The following SEL1L2 variants were observed in gnomAD, a reference collection of about 807,000 sequenced individuals.
The protein encoded by SEL1L2 is SEL1L2 adaptor subunit of SYVN1 ubiquitin ligase.
SEL1L2 carries 89 observed loss-of-function variants against 98.8 expected under a neutral mutation model. The ratio of observed to expected loss-of-function variants is 0.90; its 90% CI spans 0.76 to 1.07. The LOEUF (loss-of-function observed/expected upper bound fraction) is 1.07. Among genes scored for constraint, SEL1L2 ranks in the 50% least tolerant of loss-of-function variants. The pLI, the probability that SEL1L2 is intolerant of heterozygous loss-of-function variation, is 0.00. For missense variants in SEL1L2, 788 were observed against 812.0 expected (o/e 0.97, Z 0.36); for synonymous variants, 262 against 278.5 (o/e 0.94, Z 0.59).
intron 1 of SEL1L2, among the ~76,000 whole-genome samples, chr20:13,974,370 T>A (rs2051426431): frequency 6.6e-6 from 1 of 152,076 alleles, no homozygotes; most frequent in Admixed American, 6.6e-5. Context: ...AGTCTTGCCC[T>A]TTCCTCTGTA....
chr20:13,886,138 A>G (rs2046943182), intron 9 of SEL1L2, 150 bp downstream of exon 9: 1 of 457,510 alleles, frequency 2.2e-6, no homozygotes, highest in African/African-American at 2.0e-5. Flanking sequence ...AGTAGCAGGG[A>G]ACAAAACAGG....
Position 13,972,473 on chromosome 20 carries a change from A to G in SEL1L2, c.59-16342T>C, listed in dbSNP as rs548412161. 9.2e-4 allele frequency among the ~76,000 whole-genome samples: 140 copies of G among 152,138 alleles called. 2 individuals are homozygous for G. Among genetic ancestry groups the G allele is most frequent in the South Asian group, 6.2e-3 (30 of 4,826 alleles). On this transcript the variant is annotated intron_variant, in intron 1 of 19. Coordinates refer to ENST00000284951, the MANE Select transcript of SEL1L2 (RefSeq NM_025229.2). ...AAATAAGCCTTTATTTAGATTTATC[A>G]TAAGTCTTAAAGGTTACTTGGCTTA...
chr20:13,930,442 G>T (rs182928389), intron 3 of SEL1L2, among the ~76,000 whole-genome samples: 2 of 152,230 alleles, frequency 1.3e-5, no homozygotes, highest in Admixed American at 1.3e-4. Flanking sequence ...GGAACTTTGT[G>T]GTTTCCCTAT....
At chr20:13,914,198 C>T (rs1304871987) in intron 4 of SEL1L2, among the ~76,000 whole-genome samples, 1 of 152,112 alleles carries the variant, frequency 6.6e-6, no homozygotes, top group African/African-American at 2.4e-5. Flanking sequence ...ATCTTATACA[C>T]TGATACAGAA....
At chr20:13,870,291 G>T in intron 12 of SEL1L2, 88 bp from the exon 13 acceptor site, 1 of 930,534 alleles carries the variant, frequency 1.1e-6, no homozygotes, top group Non-Finnish European at 1.7e-6. Flanking sequence ...TATTTGACAT[G>T]CACCCAGTAA....
chr20:13,862,987 G>C (rs4814269), intron 17 of SEL1L2, among the ~76,000 whole-genome samples: 49,521 of 151,964 alleles, frequency 0.33, 8,391 homozygotes, highest in Middle Eastern at 0.53. Context: ...ATGAACCACT[G>C]CACCTGGTCT....
At chr20:13,869,611 A>G (rs1227914682) in intron 13 of SEL1L2, 21 bp from the exon 14 acceptor site, 4 of 1,593,474 alleles carry the variant, frequency 2.5e-6, no homozygotes, top group African/African-American at 1.3e-5. Context: ...ATTACACTCT[A>G]TTACTCAAAG....
intron 5 of SEL1L2, among the ~76,000 whole-genome samples, chr20:13,901,071 C>CTTTTTTTTTTTTTTT (rs746353560): frequency 1.5e-5 from 2 of 133,302 alleles, no homozygotes; most frequent in African/African-American, 2.8e-5. Flanking sequence ...TTCTTTCTTT[C>CTTTTTTTTTTTTTTT]TTTCTTTTTT....
At chr20:13,872,489 C>T (rs1192010918) in intron 12 of SEL1L2, among the ~76,000 whole-genome samples, 2 of 152,154 alleles carry the variant, frequency 1.3e-5, no homozygotes, top group Non-Finnish European at 2.9e-5. Flanking sequence ...CATGATTGTA[C>T]ATTTTCTGAG....
At chr20:13,990,430 A>G (rs1480602499) in intron 1 of SEL1L2, 47 bp downstream of exon 1, 1 of 1,367,232 alleles carries the variant, frequency 7.3e-7, no homozygotes, top group African/African-American at 1.4e-5. Context: ...CTGTTTGAGC[A>G]AAGAGAAGAG....
At chr20:13,956,044 T>C in intron 2 of SEL1L2, 32 bp downstream of exon 2, 1 of 1,314,740 alleles carries the variant, frequency 7.6e-7, no homozygotes, top group East Asian at 2.4e-5. Context: ...AATTTTCTAT[T>C]AAAAAATGTA....
intron 18 of SEL1L2, among the ~76,000 whole-genome samples, chr20:13,858,773 T>C (rs1252344970): frequency 2.0e-5 from 3 of 151,790 alleles, no homozygotes; most frequent in Non-Finnish European, 4.4e-5. Flanking sequence ...TCACTCTCTT[T>C]GGCCTTTCTA....
At chr20:13,872,975 T>A (rs888093621) in intron 12 of SEL1L2, among the ~76,000 whole-genome samples, 3 of 151,856 alleles carry the variant, frequency 2.0e-5, no homozygotes, top group Non-Finnish European at 4.4e-5. Context: ...TTCATCAGCG[T>A]TTGCCATTTT....
chr20:13,878,465 C>T (rs1244305257), intron 10 of SEL1L2, among the ~76,000 whole-genome samples: 3 of 152,146 alleles, frequency 2.0e-5, no homozygotes, highest in African/African-American at 7.2e-5. Flanking sequence ...ACCCACAATG[C>T]CTGGCTATGA....
intron 1 of SEL1L2, among the ~76,000 whole-genome samples, chr20:13,971,543 A>G (rs1316306786): frequency 6.6e-6 from 1 of 151,548 alleles, no homozygotes; most frequent in Non-Finnish European, 1.5e-5. Context: ...CTCCCACCTC[A>G]GCCTCCTGAG....
At chr20:13,857,100 A>G (rs1321601385) in intron 18 of SEL1L2, among the ~76,000 whole-genome samples, 3 of 152,158 alleles carry the variant, frequency 2.0e-5, no homozygotes, top group African/African-American at 7.2e-5. Context: ...TATTTTTGTA[A>G]TTGCTAAACA....
At chr20:13,959,264 C>G (rs1280610939) in intron 1 of SEL1L2, among the ~76,000 whole-genome samples, 1 of 152,106 alleles carries the variant, frequency 6.6e-6, no homozygotes, top group Non-Finnish European at 1.5e-5. Flanking sequence ...ATATGACAAC[C>G]AGTGATGACC....
intron 17 of SEL1L2, among the ~76,000 whole-genome samples, chr20:13,864,420 A>T (rs1990665666): frequency 6.6e-6 from 1 of 152,218 alleles, no homozygotes; most frequent in Admixed American, 6.5e-5. Context: ...CTCTTATTGC[A>T]AGAGAGTTTT....
chr20:13,904,181 T>C (rs2047813888), intron 5 of SEL1L2, among the ~76,000 whole-genome samples: 1 of 152,216 alleles, frequency 6.6e-6, no homozygotes, highest in Non-Finnish European at 1.5e-5. Flanking sequence ...TAACATGCAG[T>C]TTATAAGCAT....
Sources: allele counts gnomAD v4.1 joint callset (sites outside exome capture counted in the v4.1 genomes callset), GRCh38; gene constraint gnomAD v4.1.1; transcripts MANE v1.5; gene names NCBI Gene and HGNC (gene_info 2026-07-23, HGNC 2026-07-21).